Variants in SLC14A2 observed in about 807,000 individuals in gnomAD.
SLC14A2 encodes the protein solute carrier family 14 member 2.
In SLC14A2, 91 loss-of-function variants were observed where a neutral mutation model predicts 104.6. The ratio of observed to expected loss-of-function variants is 0.87; its 90% CI spans 0.73 to 1.04. SLC14A2 has a LOEUF of 1.04. SLC14A2 is among the 50% of genes least tolerant of loss of function. The probability of loss-of-function intolerance (pLI) is 0.00; values close to 1 mark genes in which losing one functional copy is unlikely to be tolerated. For missense variants in SLC14A2, 1,189 were observed against 1,156.0 expected, an observed-to-expected ratio of 1.03 and a Z score of -0.41; for synonymous variants, 476 against 466.4, an observed-to-expected ratio of 1.02 and a Z score of -0.27.
chr18:45,409,707 A>G (rs1236409381), intron 1 of SLC14A2, among the ~76,000 whole-genome samples: 1 of 152,176 alleles, frequency 6.6e-6, no homozygotes, highest in African/African-American at 2.4e-5. Context: ...CAAAAAGATC[A>G]AGTAAAAAAT....
chr18:45,373,112 C>A (rs376173081), intron 1 of SLC14A2, among the ~76,000 whole-genome samples: 2 of 152,270 alleles, frequency 1.3e-5, no homozygotes, highest in African/African-American at 4.8e-5. Flanking sequence ...TCTTGAAACC[C>A]AACTAGACCA....
intron 6 of SLC14A2, among the ~76,000 whole-genome samples, chr18:45,638,683 T>C (rs951889011): frequency 6.6e-6 from 1 of 152,186 alleles, no homozygotes; most frequent in African/African-American, 2.4e-5. Flanking sequence ...TCCTATTTGT[T>C]AAGCACCTAT....
chr18:45,463,949 C>A (rs1464222209), intron 1 of SLC14A2, among the ~76,000 whole-genome samples: 1 of 152,138 alleles, frequency 6.6e-6, no homozygotes, highest in Non-Finnish European at 1.5e-5. Context: ...GCCCTGCCCA[C>A]CCTATTTCTA....
intron 1 of SLC14A2, among the ~76,000 whole-genome samples, chr18:45,219,676 C>T (rs1437153573): frequency 6.6e-6 from 1 of 152,192 alleles, no homozygotes; most frequent in Non-Finnish European, 1.5e-5. Flanking sequence ...CTTTTCATAA[C>T]TTAGTAAATT....
chr18:45,577,809 G>A (rs936176232), intron 2 of SLC14A2, among the ~76,000 whole-genome samples: 2 of 152,138 alleles, frequency 1.3e-5, no homozygotes, highest in Non-Finnish European at 2.9e-5. Flanking sequence ...ATAAAGAAAG[G>A]AGAAAACTAG....
intron 2 of SLC14A2, among the ~76,000 whole-genome samples, chr18:45,491,497 A>G: frequency 6.6e-6 from 1 of 152,224 alleles, no homozygotes; most frequent in East Asian, 1.9e-4. Flanking sequence ...CAGAAAGGAT[A>G]AAAAGGGTGC....
chr18:45,425,996 CA>C (rs1286371832), intron 1 of SLC14A2, among the ~76,000 whole-genome samples: 6 of 101,222 alleles, frequency 5.9e-5, no homozygotes, highest in Admixed American at 3.9e-4. Context: ...TTGAACTACT[CA>C]CAACTCTCTT....
chr18:45,341,255 C>G (rs2085390689), intron 1 of SLC14A2, among the ~76,000 whole-genome samples: 1 of 151,886 alleles, frequency 6.6e-6, no homozygotes, highest in Admixed American at 6.6e-5. Context: ...AATTAACAAA[C>G]AACCCTCAAA....
chr18:45,673,747 C>T lies in SLC14A2; in HGVS notation c.2442C>T (p.Leu814=), dbSNP rs1354428714. 11 of 1,614,036 alleles carry T rather than the reference C, an allele frequency of 6.8e-6. No homozygotes were observed. The highest frequency in any genetic ancestry group is 5.3e-5 in the African/African-American group (4 of 74,920). Residue 814 remains leucine (L), a synonymous_variant, in exon 18 of 20, where the codon CTC becomes CTT. Transcript: ENST00000255226. ...GCCTGTGTGGCTTCAACAGCACCCT[C>T]GCATGCATAGCGATAGGAGGCATGT... is the stretch of plus-strand genomic sequence containing the variant. ...YFGLCGFNST[L]ACIAIGGMFY...
chr18:45,373,070 G>C (rs1004354483), intron 1 of SLC14A2, among the ~76,000 whole-genome samples: 2 of 152,162 alleles, frequency 1.3e-5, no homozygotes, highest in Admixed American at 1.3e-4. Flanking sequence ...GTCGCTTGTA[G>C]ACTATCTGAT....
chr18:45,394,709 T>TG (rs2086009493), intron 1 of SLC14A2, among the ~76,000 whole-genome samples: 2 of 152,114 alleles, frequency 1.3e-5, no homozygotes, highest in African/African-American at 4.8e-5. Context: ...ATTTGGGTTT[T>TG]TTGTTGTTGT....
At chr18:45,271,614 T>C (rs2084651482) in intron 1 of SLC14A2, among the ~76,000 whole-genome samples, 1 of 151,898 alleles carries the variant, frequency 6.6e-6, no homozygotes, top group Non-Finnish European at 1.5e-5. Context: ...AATTCTATAA[T>C]GAAAACTATA....
intron 2 of SLC14A2, among the ~76,000 whole-genome samples, chr18:45,522,601 C>A (rs1370615053): frequency 6.6e-6 from 1 of 152,180 alleles, no homozygotes; most frequent in Non-Finnish European, 1.5e-5. Flanking sequence ...AGTTCTCCAT[C>A]GACCTCTAAA....
chr18:45,611,280 C>A (rs887402059), upstream of SLC14A2, among the ~76,000 whole-genome samples: 18 of 152,234 alleles, frequency 1.2e-4, no homozygotes, highest in Non-Finnish European at 2.2e-4. Flanking sequence ...GTCCCGATTT[C>A]TACCCCCTCC....
intron 1 of SLC14A2, among the ~76,000 whole-genome samples, chr18:45,363,074 C>A (rs2085630006): frequency 6.6e-6 from 1 of 152,168 alleles, no homozygotes; most frequent in South Asian, 2.1e-4. Flanking sequence ...CCCCCCCAAC[C>A]CTCGGCCAAA....
chr18:45,263,299 C>T (rs962055798), intron 1 of SLC14A2, among the ~76,000 whole-genome samples: 31 of 152,072 alleles, frequency 2.0e-4, no homozygotes, highest in African/African-American at 7.2e-4. Context: ...AGAAATTTAC[C>T]AAGGAAGTGA....
At chr18:45,285,578 C>T (rs1371673706) in intron 1 of SLC14A2, among the ~76,000 whole-genome samples, 2 of 151,874 alleles carry the variant, frequency 1.3e-5, no homozygotes, top group Admixed American at 6.6e-5. Flanking sequence ...TCACCACACT[C>T]AGCTTATTTT....
chr18:45,319,232 AC>A (rs1272204019), intron 1 of SLC14A2, among the ~76,000 whole-genome samples: 1 of 152,154 alleles, frequency 6.6e-6, no homozygotes, highest in African/African-American at 2.4e-5. Flanking sequence ...GGATAACCCT[AC>A]AACCCTCCCT....
chr18:45,237,794 G>A (rs2084270867), intron 1 of SLC14A2, among the ~76,000 whole-genome samples: 1 of 152,150 alleles, frequency 6.6e-6, no homozygotes, highest in Non-Finnish European at 1.5e-5. Flanking sequence ...GTAAGACCAG[G>A]GGCACCTTAA....
Sources: gnomAD v4.1 joint callset for allele counts (sites outside exome capture counted in the v4.1 genomes callset) on GRCh38, gnomAD v4.1.1 for gene constraint, MANE v1.5 for transcripts, NCBI Gene and HGNC (gene_info 2026-07-23, HGNC 2026-07-21) for gene names.